Variants in KCNIP4 observed in about 807,000 individuals in gnomAD.
The protein encoded by KCNIP4 is potassium voltage-gated channel interacting protein 4, also known as Kv channel-interacting protein 4.
A neutral mutation model predicts 34.0 loss-of-function variants in KCNIP4; 12 were observed. That is an observed-to-expected ratio of 0.35 (90% CI 0.23 to 0.57). The LOEUF is 0.57. Ranked by LOEUF, KCNIP4 falls within the 20% of genes least tolerant of loss-of-function variation. The probability of loss-of-function intolerance (pLI) is 0.83; values close to 1 mark genes in which losing one functional copy is unlikely to be tolerated. For missense variants in KCNIP4, 238 were observed against 311.7 expected (o/e 0.76, Z 1.78); for synonymous variants, 124 against 102.2 (o/e 1.21, Z -1.29).
At chr4:21,500,337 G>A (rs1025752724) in intron 1 of KCNIP4, among the ~76,000 whole-genome samples, 17 of 152,138 alleles carry the variant, frequency 1.1e-4, no homozygotes, top group African/African-American at 2.9e-4. Flanking sequence ...GAACTGATTT[G>A]GGAGTCAAAT....
chr4:21,417,906 A>G (rs980117228), intron 1 of KCNIP4, among the ~76,000 whole-genome samples: 1 of 152,136 alleles, frequency 6.6e-6, no homozygotes, highest in Non-Finnish European at 1.5e-5. Flanking sequence ...AGTTTGGCCT[A>G]AGTTGGACAT....
intron 1 of KCNIP4, among the ~76,000 whole-genome samples, chr4:20,885,018 C>T (rs992559202): frequency 6.6e-6 from 1 of 152,000 alleles, no homozygotes; most frequent in Non-Finnish European, 1.5e-5. Context: ...GCTTTTAAAA[C>T]TCAGTTCAAA....
At chr4:21,694,914 C>CAAAAAAAAA (rs368053041) in intron 1 of KCNIP4, among the ~76,000 whole-genome samples, 21 of 46,502 alleles carry the variant, frequency 4.5e-4, no homozygotes, top group African/African-American at 1.3e-3. Context: ...CACGATTGAC[C>CAAAAAAAAA]AAAAAAAAAA....
At chr4:21,333,287 G>A (rs532996293) in intron 1 of KCNIP4, among the ~76,000 whole-genome samples, 1 of 151,288 alleles carries the variant, frequency 6.6e-6, no homozygotes, top group South Asian at 2.1e-4. Flanking sequence ...TGCCTCCCTT[G>A]TAAGTCTTTT....
At chr4:21,769,967 C>T (rs1029084269) in intron 1 of KCNIP4, among the ~76,000 whole-genome samples, 45 of 152,038 alleles carry the variant, frequency 3.0e-4, no homozygotes, top group Admixed American at 5.2e-4. Context: ...AGCTGCCAAT[C>T]AATTCATACC....
intron 1 of KCNIP4, among the ~76,000 whole-genome samples, chr4:21,199,720 T>C (rs1460606444): frequency 2.9e-5 from 2 of 68,866 alleles, no homozygotes; most frequent in African/African-American, 2.5e-4. Context: ...TAAATCATGC[T>C]GCTATAAAGA....
chr4:21,087,145 A>AATGTGT (rs1553935801), intron 1 of KCNIP4, among the ~76,000 whole-genome samples: 101 of 70,288 alleles, frequency 1.4e-3, no homozygotes, highest in African/African-American at 4.7e-3. Flanking sequence ...ACTGCTGGGT[A>AATGTGT]ATGTGTGTGT....
intron 1 of KCNIP4, among the ~76,000 whole-genome samples, chr4:21,804,290 T>C (rs1312359691): frequency 6.6e-6 from 1 of 152,220 alleles, no homozygotes; most frequent in Non-Finnish European, 1.5e-5. Context: ...TGGGTTGTGT[T>C]CTTGTTTTGT....
chr4:21,234,449 TATTACATATAACG>T (rs1759177301), intron 1 of KCNIP4, among the ~76,000 whole-genome samples: 1 of 131,452 alleles, frequency 7.6e-6, no homozygotes. Flanking sequence ...ATATAATATA[TATTACATATAACG>T]TATATAATAT....
chr4:21,380,451 G>GAGAGGC (rs1162322227), intron 1 of KCNIP4, among the ~76,000 whole-genome samples: 1 of 135,444 alleles, frequency 7.4e-6, no homozygotes, highest in Admixed American at 7.4e-5. Context: ...GAGGGAGAGG[G>GAGAGGC]AGAGGGGGAG....
intron 1 of KCNIP4, among the ~76,000 whole-genome samples, chr4:21,250,688 T>C (rs1221124951): frequency 6.6e-6 from 1 of 152,046 alleles, no homozygotes; most frequent in African/African-American, 2.4e-5. Context: ...GATGGAGGAT[T>C]TAACAGAGCT....
At chr4:21,685,607 C>T (rs1190939336) in intron 1 of KCNIP4, among the ~76,000 whole-genome samples, 1 of 152,124 alleles carries the variant, frequency 6.6e-6, no homozygotes. Context: ...AGTAAAATCA[C>T]TTGAATAACT....
chr4:21,460,217 G>T (rs916428694), intron 1 of KCNIP4, among the ~76,000 whole-genome samples: 2 of 151,274 alleles, frequency 1.3e-5, no homozygotes, highest in African/African-American at 4.9e-5. Flanking sequence ...TCACAAAATT[G>T]CTTGCTCTAT....
chr4:20,881,532 AAG>A (rs1483288128), intron 2 of KCNIP4, among the ~76,000 whole-genome samples: 1 of 152,182 alleles, frequency 6.6e-6, no homozygotes, highest in Non-Finnish European at 1.5e-5. Context: ...TTGTGTATAA[AAG>A]AAAGTTTGTA....
chr4:21,226,606 AT>A (rs1203641211), intron 1 of KCNIP4, among the ~76,000 whole-genome samples: 1 of 150,320 alleles, frequency 6.7e-6, no homozygotes, highest in Non-Finnish European at 1.5e-5. Flanking sequence ...GCACAATGAA[AT>A]GCTATAATAT....
intron 3 of KCNIP4, among the ~76,000 whole-genome samples, chr4:20,847,317 T>A (rs916382664): frequency 6.6e-6 from 1 of 152,168 alleles, no homozygotes; most frequent in African/African-American, 2.4e-5. Flanking sequence ...TTATGATAAC[T>A]GCACAAAACC....
At chr4:21,035,783 C>G (rs1055325954) in intron 1 of KCNIP4, among the ~76,000 whole-genome samples, 1 of 152,194 alleles carries the variant, frequency 6.6e-6, no homozygotes, top group African/African-American at 2.4e-5. Context: ...TTGCTAAGCT[C>G]TTCCTTCATC....
chr4:21,050,076 G>A (rs1217187238), intron 1 of KCNIP4, among the ~76,000 whole-genome samples: 1 of 152,136 alleles, frequency 6.6e-6, no homozygotes, highest in South Asian at 2.1e-4. Context: ...CAGGCAGCTT[G>A]AGTCCCAGTT....
At chr4:21,617,923 G>C (rs1330132404) in intron 1 of KCNIP4, among the ~76,000 whole-genome samples, 4 of 152,120 alleles carry the variant, frequency 2.6e-5, no homozygotes, top group African/African-American at 9.7e-5. Context: ...CTGTGAGTTT[G>C]AATTACCTGA....
Sources: gnomAD v4.1 joint callset for allele counts (sites outside exome capture counted in the v4.1 genomes callset) on GRCh38, gnomAD v4.1.1 for gene constraint, MANE v1.5 for transcripts, NCBI Gene and HGNC (gene_info 2026-07-23, HGNC 2026-07-21) for gene names.